Variants in DNMBP observed in about 807,000 individuals in gnomAD.
DNMBP encodes the protein dynamin binding protein.
DNMBP carries 87 observed loss-of-function variants against 150.0 expected under a neutral mutation model. The observed-to-expected ratio is 0.58, with a 90% CI of 0.49 to 0.69. DNMBP has a LOEUF of 0.69. DNMBP is among the 30% of genes least tolerant of loss of function. DNMBP has a pLI of 0.00. For synonymous variants in DNMBP, 711 were observed against 750.4 expected (o/e 0.95, Z 0.86); for missense variants, 1,774 against 1,949.0 (o/e 0.91, Z 1.69).
intron 1 of DNMBP, among the ~76,000 whole-genome samples, chr10:99,980,550 G>A (rs2040771135): frequency 6.6e-6 from 1 of 152,006 alleles, no homozygotes; most frequent in Non-Finnish European, 1.5e-5. Flanking sequence ...GCTAATGCCT[G>A]TAATCTTAGC....
chr10:99,983,640 C>A (rs1012997909), intron 1 of DNMBP, among the ~76,000 whole-genome samples: 1 of 152,214 alleles, frequency 6.6e-6, no homozygotes, highest in Non-Finnish European at 1.5e-5. Context: ...TCCTACCCTG[C>A]GTGCCCCCAG....
chr10:99,954,698 C>G (rs573496915), intron 4 of DNMBP, among the ~76,000 whole-genome samples: 58 of 143,884 alleles, frequency 4.0e-4, no homozygotes, highest in African/African-American at 1.4e-3. Flanking sequence ...AAGCCAAGGT[C>G]GCGCCATTGC....
At chr10:99,994,785 C>T (rs1042069893) in intron 1 of DNMBP, among the ~76,000 whole-genome samples, 77 of 152,282 alleles carry the variant, frequency 5.1e-4, no homozygotes, top group African/African-American at 1.8e-3. Context: ...CTGTTAAATC[C>T]TTTAAACACA....
intron 2 of DNMBP, among the ~76,000 whole-genome samples, chr10:99,969,761 T>C (rs950099541): frequency 6.6e-6 from 1 of 152,148 alleles, no homozygotes; most frequent in Non-Finnish European, 1.5e-5. Flanking sequence ...TCAGAAAGTC[T>C]GATTGATTCT....
intron 1 of DNMBP, among the ~76,000 whole-genome samples, chr10:99,997,717 C>A (rs1173409827): frequency 6.6e-6 from 1 of 151,722 alleles, no homozygotes; most frequent in Non-Finnish European, 1.5e-5. Flanking sequence ...AAGGCTGAGG[C>A]AGATGGATCA....
intron 4 of DNMBP, chr10:99,931,095 G>A (rs2040151853): frequency 4.2e-6 from 1 of 236,950 alleles, no homozygotes; most frequent in South Asian, 1.5e-4. Context: ...TGAAGATAGA[G>A]GCATTCTGCT....
At position 99,898,101 on chromosome 10, in the gene DNMBP, G is replaced by A. The variant is rs141749735; in HGVS notation, c.2905C>T (p.Arg969Trp). ...EINVNINEYK[R>W]RKDLVLKYRK... ...CTGTTCTTACCCAGGTCCTTTCGCC[G>A]TTTATATTCATTAATGTTAACGTTG... The change falls in exon 9 of 17, where the codon CGG becomes TGG. Residue 969 changes from arginine to tryptophan, a missense_variant. By Grantham distance (101) the Arg-to-Trp change is moderately radical. This residue lies in a region of DNMBP where 1,430 missense variants were observed against 1,492.5 expected (regional missense o/e 0.96). Coordinates refer to ENST00000324109, the MANE Select transcript of DNMBP (RefSeq NM_015221.4). The A allele has an allele frequency of 5.0e-6, 8 of 1,613,754 alleles. No homozygotes were observed. In the Admixed American group the frequency reaches 5.0e-5, roughly 10 times the overall value.
intron 1 of DNMBP, among the ~76,000 whole-genome samples, chr10:100,004,280 T>C (rs2041045989): frequency 6.6e-6 from 1 of 151,018 alleles, no homozygotes; most frequent in South Asian, 2.1e-4. Context: ...TATATATGTA[T>C]ATATAATGTT....
intron 4 of DNMBP, chr10:99,913,806 C>T (rs1371610507): frequency 1.4e-5 from 11 of 782,624 alleles, no homozygotes; most frequent in Admixed American, 8.6e-5. Flanking sequence ...CAGAGCCATG[C>T]GCCCTTCCCT....
chr10:99,920,642 G>A, intron 4 of DNMBP, among the ~76,000 whole-genome samples: 1 of 152,102 alleles, frequency 6.6e-6, no homozygotes, highest in Middle Eastern at 3.2e-3. Flanking sequence ...TGTAACAAAG[G>A]GGTTGGGCCT....
At chr10:99,894,909 C>CGTATGT (rs1212056356) in intron 11 of DNMBP, 37 bp downstream of exon 11, 1 of 1,454,000 alleles carries the variant, frequency 6.9e-7, no homozygotes, top group African/African-American at 1.4e-5. Context: ...AGAATTACAT[C>CGTATGT]GTATGTTAAT....
At chr10:99,975,666 A>G (rs1166597390) in intron 1 of DNMBP, among the ~76,000 whole-genome samples, 2 of 152,174 alleles carry the variant, frequency 1.3e-5, no homozygotes, top group African/African-American at 2.4e-5. Flanking sequence ...ATCTAATTAT[A>G]ATTACATGCT....
At chr10:99,936,092 C>A (rs1032159762) in intron 4 of DNMBP, among the ~76,000 whole-genome samples, 2 of 152,168 alleles carry the variant, frequency 1.3e-5, no homozygotes, top group East Asian at 3.9e-4. Context: ...TTTAATCTAA[C>A]TGTAAGATTA....
intron 2 of DNMBP, 120 bp downstream of exon 2, chr10:99,971,860 C>CT (rs111359576): frequency 0.076 from 53,217 of 697,164 alleles, 822 homozygotes; most frequent in African/African-American, 0.15. Context: ...TTCTTTCTTT[C>CT]TTTTTTTTTT....
chr10:99,916,521 C>G (rs962183144), intron 4 of DNMBP, among the ~76,000 whole-genome samples: 1 of 152,138 alleles, frequency 6.6e-6, no homozygotes, highest in Non-Finnish European at 1.5e-5. Context: ...CAACGGTATT[C>G]CAGGTAATTT....
At chr10:99,922,527 T>TTAAAA (rs1554864053) in intron 4 of DNMBP, among the ~76,000 whole-genome samples, 1 of 78,966 alleles carries the variant, frequency 1.3e-5, no homozygotes, top group African/African-American at 5.3e-5. Context: ...TTTTTTTTCT[T>TTAAAA]AAAAAAAAAA....
Position 99,937,493 on chromosome 10 carries a change from T to A in DNMBP, c.2260+17721A>T, listed in dbSNP as rs568513538. Among the ~76,000 whole-genome samples the A allele has an allele frequency of 3.9e-5, 6 of 152,304 alleles. No individual in the cohort carries two copies. In the East Asian group the frequency reaches 9.6e-4, roughly 24 times the overall value. The stretch of plus-strand genomic sequence containing the variant: ...AACTAGTACATGGCAGGGCCACAGT[T>A]TGAACCCAGATCTGTTTGATTTCAT... On this transcript the variant is annotated intron_variant, in intron 4 of 16. Coordinates refer to ENST00000324109, the MANE Select transcript of DNMBP (RefSeq NM_015221.4).
At chr10:99,978,673 G>C (rs2040752947) in intron 1 of DNMBP, among the ~76,000 whole-genome samples, 1 of 152,042 alleles carries the variant, frequency 6.6e-6, no homozygotes, top group South Asian at 2.1e-4. Flanking sequence ...CTGCCTCCCA[G>C]ACTCAGGTGA....
At chr10:99,916,144 T>TA (rs751019785) in intron 4 of DNMBP, among the ~76,000 whole-genome samples, 30 of 152,330 alleles carry the variant, frequency 2.0e-4, no homozygotes, top group Non-Finnish European at 3.2e-4. Context: ...ATTGCATTTA[T>TA]AAAATGCCAC....
Sources: gnomAD v4.1 joint callset for allele counts (sites outside exome capture counted in the v4.1 genomes callset) on GRCh38, gnomAD v4.1.1 for gene constraint, gnomAD v4.1.1 regional missense constraint, MANE v1.5 for transcripts, NCBI Gene and HGNC (gene_info 2026-07-23, HGNC 2026-07-21) for gene names.